GBE1: variants seen among roughly 807,000 people sequenced by gnomAD.
GBE1 encodes 1,4-alpha-glucan-branching enzyme.
In GBE1, 70 loss-of-function variants were observed where a neutral mutation model predicts 88.8. The observed-to-expected ratio is 0.79, with a 90% CI of 0.65 to 0.96. The LOEUF (loss-of-function observed/expected upper bound fraction) is 0.96, where lower values mean the gene tolerates loss of function less well. Among genes scored for constraint, GBE1 ranks in the 40% least tolerant of loss-of-function variants. The pLI is 0.00. For synonymous variants in GBE1, 284 were observed against 300.1 expected (o/e 0.95, Z 0.56); for missense variants, 872 against 871.0 (o/e 1.00, Z -0.01).
intron 14 of GBE1, among the ~76,000 whole-genome samples, chr3:81,500,820 T>C (rs940852035): frequency 1.3e-5 from 2 of 152,230 alleles, no homozygotes; most frequent in Non-Finnish European, 2.9e-5. Context: ...ATGTTTTTAC[T>C]ATTAAAATGC....
Position 81,643,008 on chromosome 3 carries a change from A to G in GBE1, c.783-18T>C, listed in dbSNP as rs759016041. 2.0e-6 allele frequency: 3 copies of G among 1,529,974 alleles called. No individual in the cohort carries two copies. The highest frequency in any genetic ancestry group is 2.7e-6 in the Non-Finnish European group (3 of 1,113,246). 94.8% of individuals were successfully genotyped at this position (1,529,974 alleles called of 1,614,324 possible). ...CATAACGGCTAACAATGAAGAACAC[A>G]GCAAAAAGAAGATTACATCACATTT... On this transcript the variant is annotated intron_variant, in intron 6 of 15. Coordinates refer to ENST00000429644, the MANE Select transcript of GBE1 (RefSeq NM_000158.4).
chr3:81,531,241 C>T (rs1703007880), intron 14 of GBE1, among the ~76,000 whole-genome samples: 1 of 151,932 alleles, frequency 6.6e-6, no homozygotes, highest in Non-Finnish European at 1.5e-5. Context: ...TCTTCTGGCT[C>T]AGGGAAGGTT....
chr3:81,492,319 C>T (rs140596260), intron 15 of GBE1, among the ~76,000 whole-genome samples: 205 of 152,222 alleles, frequency 1.3e-3, no homozygotes, highest in African/African-American at 4.6e-3. Context: ...CTTTGTCATA[C>T]GTAAGATGTT....
intron 7 of GBE1, among the ~76,000 whole-genome samples, chr3:81,638,382 G>T (rs1021103249): frequency 6.6e-6 from 1 of 151,990 alleles, no homozygotes; most frequent in Admixed American, 6.6e-5. Flanking sequence ...AATATTTAAC[G>T]AACAAAAGAT....
chr3:81,532,802 G>A (rs1703027138), intron 14 of GBE1, among the ~76,000 whole-genome samples: 1 of 151,944 alleles, frequency 6.6e-6, no homozygotes, highest in African/African-American at 2.4e-5. Flanking sequence ...TTAATCCATT[G>A]TACTGTCCAT....
intron 7 of GBE1, among the ~76,000 whole-genome samples, chr3:81,625,050 T>G (rs1291926006): frequency 7.6e-6 from 1 of 130,820 alleles, no homozygotes; most frequent in Non-Finnish European, 1.6e-5. Flanking sequence ...TAGACTCAAA[T>G]CCTTCCCTGC....
chr3:81,591,433 A>G lies in GBE1; in HGVS notation c.1109-269T>C, dbSNP rs183863441. 1.4e-3 allele frequency among the ~76,000 whole-genome samples: 206 copies of G among 152,316 alleles called. No individual in the cohort carries two copies. Among genetic ancestry groups the G allele is most frequent in the Non-Finnish European group, 1.2e-3 (85 of 68,004 alleles). On this transcript the variant is annotated intron_variant, in intron 8 of 15. Coordinates refer to ENST00000429644, the MANE Select transcript of GBE1 (RefSeq NM_000158.4). ...GATTTAATTTAATTTTAGCTAAATT[A>G]TATGGCAAAAAGTGAAATCATACTA... is the stretch of plus-strand genomic sequence containing the variant.
chr3:81,530,530 A>G (rs1446956994), intron 14 of GBE1, among the ~76,000 whole-genome samples: 3 of 151,968 alleles, frequency 2.0e-5, no homozygotes, highest in African/African-American at 7.2e-5. Context: ...TGGTCATTGC[A>G]GTGGTATCCG....
At chr3:81,758,084 C>A (rs959743064) in intron 1 of GBE1, among the ~76,000 whole-genome samples, 2 of 152,180 alleles carry the variant, frequency 1.3e-5, no homozygotes, top group African/African-American at 2.4e-5. Flanking sequence ...TGTCTGTGAA[C>A]TGGTTGAGAA....
intron 7 of GBE1, among the ~76,000 whole-genome samples, chr3:81,594,721 C>T (rs2106958337): frequency 6.6e-6 from 1 of 151,996 alleles, no homozygotes; most frequent in South Asian, 2.1e-4. Context: ...GTCCTACATC[C>T]ATAAAAAGAG....
intron 12 of GBE1, among the ~76,000 whole-genome samples, chr3:81,572,582 C>T (rs922556680): frequency 6.6e-6 from 1 of 151,868 alleles, no homozygotes; most frequent in Non-Finnish European, 1.5e-5. Flanking sequence ...TACATTCTAC[C>T]TTGCCTGTCA....
At chr3:81,615,066 T>C (rs1327823984) in intron 7 of GBE1, among the ~76,000 whole-genome samples, 2 of 152,128 alleles carry the variant, frequency 1.3e-5, no homozygotes, top group East Asian at 1.9e-4. Flanking sequence ...ATAAAGAATC[T>C]ATTTGAAAAT....
intron 2 of GBE1, among the ~76,000 whole-genome samples, chr3:81,684,209 C>T (rs1246708403): frequency 6.6e-6 from 1 of 152,142 alleles, no homozygotes; most frequent in Admixed American, 6.5e-5. Flanking sequence ...GTTAGTCTGA[C>T]TCCTGCTTCT....
At position 81,533,037 on chromosome 3, in the gene GBE1, C is replaced by A. The variant is rs145358769; in HGVS notation, c.1934+2158G>T. Among the ~76,000 whole-genome samples, 430 of 152,068 alleles carry A rather than the reference C, an allele frequency of 2.8e-3. 1 individual carries two copies. The highest frequency in any genetic ancestry group is 5.6e-3 in the South Asian group (27 of 4,816). Reference sequence around the variant, plus strand: ...TTTCCATTTATTGCATTAAGACTTACGTCGCAGTTTGGGTTTTATACATCT... The same window carrying A: ...TTTCCATTTATTGCATTAAGACTTAAGTCGCAGTTTGGGTTTTATACATCT... On this transcript the variant is annotated intron_variant, in intron 14 of 15. Coordinates refer to ENST00000429644, the MANE Select transcript of GBE1 (RefSeq NM_000158.4).
intron 14 of GBE1, among the ~76,000 whole-genome samples, chr3:81,520,274 G>A (rs1238944121): frequency 6.6e-6 from 1 of 151,448 alleles, no homozygotes; most frequent in African/African-American, 2.4e-5. Context: ...TTTTCTAACA[G>A]TATATGCTCA....
chr3:81,625,656 G>A (rs539054762), intron 7 of GBE1, among the ~76,000 whole-genome samples: 10 of 152,164 alleles, frequency 6.6e-5, no homozygotes, highest in African/African-American at 2.4e-4. Flanking sequence ...TACCTAGGGT[G>A]GTCTTAAACT....
rs145955138 is a variant in GBE1, at chr3:81,616,827, A to G, written c.993-22804T>C. ...TTTGAGTTGTCCAATCTGTGAACAC[A>G]GTATGCATCTCCATTTATTTAAATT... On this transcript the variant is annotated intron_variant, in intron 7 of 15. Coordinates refer to ENST00000429644, the MANE Select transcript of GBE1 (RefSeq NM_000158.4). Among the ~76,000 whole-genome samples, 32 of 152,228 alleles carry G rather than the reference A, an allele frequency of 2.1e-4. No homozygotes were observed. In the East Asian group the frequency reaches 4.6e-3, roughly 22 times the overall value.
intron 10 of GBE1, among the ~76,000 whole-genome samples, chr3:81,584,575 T>C (rs1576158872): frequency 6.6e-6 from 1 of 152,006 alleles, no homozygotes; most frequent in Non-Finnish European, 1.5e-5. Context: ...AAATAGAAGA[T>C]GATAACTGCT....
chr3:81,497,915 T>A (rs1559624279), intron 15 of GBE1, among the ~76,000 whole-genome samples: 1 of 152,226 alleles, frequency 6.6e-6, no homozygotes. Context: ...AATTGAATGT[T>A]CTCACAGACT....
Sources: gnomAD v4.1 joint callset for allele counts (sites outside exome capture counted in the v4.1 genomes callset) on GRCh38, gnomAD v4.1.1 for gene constraint, MANE v1.5 for transcripts, NCBI Gene and HGNC (gene_info 2026-07-23, HGNC 2026-07-21) for gene names.